Variants in GMDS observed in about 807,000 individuals in gnomAD.
The protein encoded by GMDS is GDP-mannose 4,6-dehydratase, also known as GDP-mannose 4,6 dehydratase.
Under a neutral mutation model 49.9 loss-of-function variants are expected in GMDS, and 20 were observed. The ratio of observed to expected loss-of-function variants is 0.40; its 90% CI spans 0.28 to 0.58. GMDS has a LOEUF of 0.58. Ranked by LOEUF, GMDS falls within the 20% of genes least tolerant of loss-of-function variation. The pLI is 0.42. For missense variants in GMDS, 362 were observed against 481.4 expected (o/e 0.75, Z 2.32); for synonymous variants, 177 against 178.6 (o/e 0.99, Z 0.07).
At chr6:1,828,377 T>C (rs894707090) in intron 7 of GMDS, among the ~76,000 whole-genome samples, 14 of 152,254 alleles carry the variant, frequency 9.2e-5, no homozygotes, top group African/African-American at 2.4e-4. Context: ...AGAAAGTGTA[T>C]TTGAAGAAGT....
At chr6:1,998,427 A>G (rs921244156) in intron 4 of GMDS, among the ~76,000 whole-genome samples, 3 of 152,128 alleles carry the variant, frequency 2.0e-5, no homozygotes, top group African/African-American at 7.2e-5. Context: ...AGAGGAAGAA[A>G]GGGACAGGGA....
At chr6:1,964,591 C>T (rs1436842100) in intron 4 of GMDS, among the ~76,000 whole-genome samples, 1 of 152,158 alleles carries the variant, frequency 6.6e-6, no homozygotes, top group Non-Finnish European at 1.5e-5. Flanking sequence ...GCATAAGCAC[C>T]TTAACCATTA....
intron 7 of GMDS, among the ~76,000 whole-genome samples, chr6:1,765,446 A>G (rs1323038497): frequency 6.6e-6 from 1 of 152,208 alleles, no homozygotes; most frequent in Non-Finnish European, 1.5e-5. Flanking sequence ...AGAAGGCGCT[A>G]GGCAAGAGTG....
chr6:1,782,069 G>C (rs900243136), intron 7 of GMDS, among the ~76,000 whole-genome samples: 12 of 152,156 alleles, frequency 7.9e-5, no homozygotes, highest in African/African-American at 2.2e-4. Flanking sequence ...CTGATTTTAT[G>C]ATGAGTAAAA....
At chr6:1,887,282 G>C (rs1460366927) in intron 7 of GMDS, among the ~76,000 whole-genome samples, 1 of 113,564 alleles carries the variant, frequency 8.8e-6, no homozygotes, top group African/African-American at 2.5e-5. Context: ...GTAAAAGGCA[G>C]TGCTGGCTTC....
chr6:2,156,005 T>C (rs1029282660), intron 1 of GMDS, among the ~76,000 whole-genome samples: 2 of 152,170 alleles, frequency 1.3e-5, no homozygotes, highest in African/African-American at 4.8e-5. Context: ...TTTACATTTA[T>C]TAGACTTGAC....
chr6:1,806,107 T>A (rs1038012000), intron 7 of GMDS, among the ~76,000 whole-genome samples: 1 of 152,092 alleles, frequency 6.6e-6, no homozygotes. Context: ...AGTGAGACCC[T>A]GTCTCTAAAA....
intron 1 of GMDS, among the ~76,000 whole-genome samples, chr6:2,201,698 G>A (rs1178723493): frequency 1.2e-3 from 92 of 76,964 alleles, no homozygotes; most frequent in Middle Eastern, 0.012. Flanking sequence ...CACCACATGG[G>A]CATCCGAGAT....
At chr6:2,226,238 G>A (rs145276862) in intron 1 of GMDS, among the ~76,000 whole-genome samples, 1 of 152,012 alleles carries the variant, frequency 6.6e-6, no homozygotes, top group African/African-American at 2.4e-5. Flanking sequence ...CTGATTCCTG[G>A]GTAGAAATAA....
intron 4 of GMDS, among the ~76,000 whole-genome samples, chr6:2,007,088 C>T (rs774866715): frequency 1.3e-5 from 2 of 152,156 alleles, no homozygotes; most frequent in Admixed American, 1.3e-4. Flanking sequence ...CTAGAAAACA[C>T]AGTTTTGAAC....
chr6:1,885,117 C>T (rs545370512), intron 7 of GMDS, among the ~76,000 whole-genome samples: 1 of 152,132 alleles, frequency 6.6e-6, no homozygotes, highest in East Asian at 1.9e-4. Context: ...GGGATAAAGC[C>T]CTCGTTATGG....
chr6:1,783,411 C>T (rs892350206), intron 7 of GMDS, among the ~76,000 whole-genome samples: 2 of 152,116 alleles, frequency 1.3e-5, no homozygotes, highest in African/African-American at 4.8e-5. Flanking sequence ...ATTATACATC[C>T]CTTGAGGGAA....
chr6:1,633,771 G>A (rs1263693673), intron 9 of GMDS, among the ~76,000 whole-genome samples: 3 of 152,128 alleles, frequency 2.0e-5, no homozygotes, highest in South Asian at 2.1e-4. Context: ...AGGCTGGGAG[G>A]GACACAGAGG....
intron 4 of GMDS, among the ~76,000 whole-genome samples, chr6:2,072,132 C>G (rs1356061365): frequency 6.6e-6 from 1 of 152,062 alleles, no homozygotes; most frequent in East Asian, 1.9e-4. Flanking sequence ...GGTGTTTGGC[C>G]ATGGATACAA....
chr6:2,136,886 G>A (rs1018176818), intron 1 of GMDS, among the ~76,000 whole-genome samples: 3 of 140,066 alleles, frequency 2.1e-5, no homozygotes, highest in Admixed American at 7.4e-5. Flanking sequence ...CTGGGTGACA[G>A]AGTGAGACTT....
At chr6:1,711,775 C>A (rs141731027) in intron 9 of GMDS, among the ~76,000 whole-genome samples, 1 of 152,166 alleles carries the variant, frequency 6.6e-6, no homozygotes, top group East Asian at 1.9e-4. Context: ...TTGTGGAAAG[C>A]CATCTTTTCC....
intron 4 of GMDS, among the ~76,000 whole-genome samples, chr6:2,057,429 C>T (rs545976488): frequency 6.6e-6 from 1 of 152,270 alleles, no homozygotes; most frequent in African/African-American, 2.4e-5. Context: ...TTTAATAGAA[C>T]TTAATTTCCC....
At chr6:2,062,828 C>A (rs1177532391) in intron 4 of GMDS, among the ~76,000 whole-genome samples, 1 of 152,202 alleles carries the variant, frequency 6.6e-6, no homozygotes, top group Non-Finnish European at 1.5e-5. Flanking sequence ...ATTCTCATGA[C>A]TACCTGTGAT....
At chr6:1,645,816 TC>T (rs1249046977) in intron 9 of GMDS, among the ~76,000 whole-genome samples, 1 of 152,232 alleles carries the variant, frequency 6.6e-6, no homozygotes, top group African/African-American at 2.4e-5. Context: ...GTGAGAAGTC[TC>T]CACATGCAAC....
Sources: gnomAD v4.1 joint callset for allele counts (sites outside exome capture counted in the v4.1 genomes callset) on GRCh38, gnomAD v4.1.1 for gene constraint, MANE v1.5 for transcripts, NCBI Gene and HGNC (gene_info 2026-07-23, HGNC 2026-07-21) for gene names.